The following PKD1L1 variants were observed in gnomAD, a reference collection of about 807,000 sequenced individuals.
PKD1L1 encodes polycystin-1-like protein 1.
In PKD1L1, 236 loss-of-function variants were observed where a neutral mutation model predicts 323.4. The ratio of observed to expected loss-of-function variants is 0.73; its 90% CI spans 0.66 to 0.81. The LOEUF (loss-of-function observed/expected upper bound fraction) is 0.81, where lower values mean the gene tolerates loss of function less well. Among genes scored for constraint, PKD1L1 ranks in the 40% least tolerant of loss-of-function variants. The pLI is 0.00. For synonymous variants in PKD1L1, 1,344 were observed against 1,335.0 expected, an observed-to-expected ratio of 1.01 and a Z score of -0.15; for missense variants, 3,320 against 3,508.0, an observed-to-expected ratio of 0.95 and a Z score of 1.35.
chr7:47,882,242 A>C (rs995386660), intron 19 of PKD1L1, among the ~76,000 whole-genome samples, 157 bp from the exon 20 acceptor site: 16 of 152,260 alleles, frequency 1.1e-4, no homozygotes, highest in African/African-American at 2.9e-4. Context: ...TATTCAAGAC[A>C]TGTACTTTGT....
At chr7:47,861,879 TCA>T (rs1786034606) in intron 26 of PKD1L1, among the ~76,000 whole-genome samples, 1 of 14,690 alleles carries the variant, frequency 6.8e-5, no homozygotes. Context: ...AGACTCTGTC[TCA>T]AAAAAAAAAA....
intron 6 of PKD1L1, among the ~76,000 whole-genome samples, chr7:47,929,899 T>C (rs1294270933): frequency 3.9e-5 from 6 of 152,222 alleles, no homozygotes; most frequent in Non-Finnish European, 8.8e-5. Flanking sequence ...CGAAAGATGG[T>C]ATCTCCCACA....
At chr7:47,853,640 G>A (rs1785830956) in intron 30 of PKD1L1, among the ~76,000 whole-genome samples, 1 of 152,036 alleles carries the variant, frequency 6.6e-6, no homozygotes, top group African/African-American at 2.4e-5. Context: ...CTACTCGGGA[G>A]GCTGAGGCAG....
At chr7:47,894,394 C>T (rs1359028028) in intron 14 of PKD1L1, among the ~76,000 whole-genome samples, 2 of 152,180 alleles carry the variant, frequency 1.3e-5, no homozygotes, top group African/African-American at 2.4e-5. Context: ...TGTTCAGGCT[C>T]CTGGCTTTTG....
chr7:47,776,752 G>T (rs1786577400), intron 56 of PKD1L1, among the ~76,000 whole-genome samples: 1 of 152,148 alleles, frequency 6.6e-6, no homozygotes, highest in Admixed American at 6.5e-5. Flanking sequence ...TTATGACCAC[G>T]CAATAAATAG....
rs373888817 is a variant in PKD1L1 at position 47,846,997 on chromosome 7, C to T, written c.5035G>A (p.Ala1679Thr). The T allele has an allele frequency of 5.0e-6, 8 of 1,613,070 alleles. No individual in the cohort carries two copies. Among genetic ancestry groups the T allele is most frequent in the East Asian group, 2.2e-5 (1 of 44,862 alleles). ...RKPPNRYLAKAVNYTVHFQWI... is the reference protein window; with the variant it reads ...RKPPNRYLAKTVNYTVHFQWI... The stretch of plus-strand genomic sequence containing the variant: ...TGGAAATGTACTGTATAGTTCACTG[C>T]CTTAGCTAAATATCTGTTTGGAGGT... Residue 1679 changes from alanine to threonine, a missense_variant, in exon 32 of 57, where the codon GCA becomes ACA. Coordinates refer to ENST00000289672, the MANE Select transcript of PKD1L1 (RefSeq NM_138295.5).
At chr7:47,915,227 G>A (rs904394650) in intron 8 of PKD1L1, among the ~76,000 whole-genome samples, 18 of 152,198 alleles carry the variant, frequency 1.2e-4, no homozygotes, top group Non-Finnish European at 4.4e-5. Flanking sequence ...CCCTCCTTGG[G>A]CTAAGGAATC....
intron 19 of PKD1L1, among the ~76,000 whole-genome samples, chr7:47,884,188 G>T (rs546156514): frequency 0.045 from 6,768 of 151,628 alleles, 377 homozygotes; most frequent in African/African-American, 0.14. Context: ...GGGGGAAGGC[G>T]GGGGGAGTGG....
intron 7 of PKD1L1, 115 bp downstream of exon 7, chr7:47,929,089 G>T: frequency 3.6e-6 from 4 of 1,097,388 alleles, no homozygotes; most frequent in Non-Finnish European, 3.9e-6. Flanking sequence ...CAGGAAGGTT[G>T]GCTGAGTCCA....
rs763991880 is a variant in PKD1L1 at position 47,877,645 on chromosome 7, T to C, written c.3521-14A>G. On this transcript the variant is annotated splice_polypyrimidine_tract_variant and intron_variant, in intron 21 of 56. Transcript: ENST00000289672. ...CATGCTTCGAAGCTAAAGAGAAAGA[T>C]GAAGCAGCGGTTTCACCCATGATGG... is the stretch of plus-strand genomic sequence containing the variant. 3 of 1,612,592 alleles carry C rather than the reference T, an allele frequency of 1.9e-6. No individual in the cohort carries two copies. Among genetic ancestry groups the C allele is most frequent in the Admixed American group, 1.7e-5 (1 of 59,860 alleles).
intron 19 of PKD1L1, among the ~76,000 whole-genome samples, chr7:47,883,293 G>A (rs1317733390): frequency 1.3e-5 from 2 of 152,208 alleles, no homozygotes; most frequent in Non-Finnish European, 2.9e-5. Flanking sequence ...AAAAGGCCCA[G>A]CCTGCAATGT....
the PKD1L1 span, among the ~76,000 whole-genome samples, chr7:47,958,699 C>A: frequency 1.3e-5 from 2 of 152,182 alleles, no homozygotes; most frequent in Admixed American, 6.5e-5. Flanking sequence ...ATACATCCAA[C>A]AAAGGTTTAA....
chr7:47,796,451 C>T (rs1784535141), intron 54 of PKD1L1, among the ~76,000 whole-genome samples: 3 of 152,196 alleles, frequency 2.0e-5, no homozygotes, highest in African/African-American at 7.2e-5. Flanking sequence ...TATGTAAAGT[C>T]TGTGTCTCAG....
intron 18 of PKD1L1, among the ~76,000 whole-genome samples, chr7:47,884,960 C>T (rs1786649781): frequency 6.6e-6 from 1 of 152,208 alleles, no homozygotes; most frequent in Non-Finnish European, 1.5e-5. Context: ...TCTGCCACCA[C>T]ACCCAGCATC....
At chr7:47,883,303 T>C (rs1460767779) in intron 19 of PKD1L1, among the ~76,000 whole-genome samples, 1 of 152,222 alleles carries the variant, frequency 6.6e-6, no homozygotes, top group Admixed American at 6.5e-5. Context: ...GCCTGCAATG[T>C]GTCTTTGATT....
intron 46 of PKD1L1, among the ~76,000 whole-genome samples, 188 bp downstream of exon 46, chr7:47,820,888 T>G (rs1487787507): frequency 6.6e-6 from 1 of 152,152 alleles, no homozygotes; most frequent in Non-Finnish European, 1.5e-5. Context: ...GTTTTGCTAT[T>G]TACCCCAAAC....
At chr7:47,828,068 C>T (rs1785271347) in intron 44 of PKD1L1, among the ~76,000 whole-genome samples, 1 of 152,102 alleles carries the variant, frequency 6.6e-6, no homozygotes, top group African/African-American at 2.4e-5. Flanking sequence ...AACTTGACAG[C>T]AGGAATGTGA....
chr7:47,906,355 GATGTA>G (rs1192862600), intron 9 of PKD1L1, among the ~76,000 whole-genome samples: 3 of 152,110 alleles, frequency 2.0e-5, no homozygotes, highest in African/African-American at 7.2e-5. Context: ...AGTCCTATAA[GATGTA>G]ATGTAAGATT....
At chr7:47,934,022 C>T (rs1424329045) in intron 4 of PKD1L1, among the ~76,000 whole-genome samples, 1 of 152,166 alleles carries the variant, frequency 6.6e-6, no homozygotes, top group Non-Finnish European at 1.5e-5. Context: ...GTTCATTAAC[C>T]CTTTCTCCTA....
Sources: gnomAD v4.1 joint callset for allele counts (sites outside exome capture counted in the v4.1 genomes callset) on GRCh38, gnomAD v4.1.1 for gene constraint, MANE v1.5 for transcripts, NCBI Gene and HGNC (gene_info 2026-07-23, HGNC 2026-07-21) for gene names.